The following CLEC2L variants were observed in gnomAD, a reference collection of about 807,000 sequenced individuals.
The protein encoded by CLEC2L is C-type lectin domain family 2 member L, also known as C-type lectin domain family 2, member L.
A neutral mutation model predicts 23.6 loss-of-function variants in CLEC2L; 14 were observed. The observed-to-expected ratio is 0.59, with a 90% CI of 0.39 to 0.93. CLEC2L has a LOEUF of 0.93. Ranked by LOEUF, CLEC2L falls within the 40% of genes least tolerant of loss-of-function variation. The probability of loss-of-function intolerance (pLI) is 0.00; values close to 1 mark genes in which losing one functional copy is unlikely to be tolerated. For missense variants in CLEC2L, 264 were observed against 282.4 expected, an observed-to-expected ratio of 0.93 and a Z score of 0.47; for synonymous variants, 114 against 121.3, an observed-to-expected ratio of 0.94 and a Z score of 0.40.
chr7:139,531,923 AAAAG>A (rs952419123), intron 1 of CLEC2L, among the ~76,000 whole-genome samples: 10 of 152,066 alleles, frequency 6.6e-5, no homozygotes, highest in Non-Finnish European at 1.0e-4. Flanking sequence ...AAAAAAAAGA[AAAAG>A]AAAAAGAAAA....
rs572280611 is a variant in CLEC2L, at chr7:139,541,887, C to T, written c.433-134C>T. ...CTAGCTCCTTACTTGCGGGATTCAG[C>T]GAGACAACAGTCACTCTCCTGGCGT... On this transcript the variant is annotated intron_variant, in intron 3 of 4. Coordinates refer to ENST00000422142, the MANE Select transcript of CLEC2L (RefSeq NM_001080511.4). 4.4e-5 allele frequency: 29 copies of T among 665,058 alleles called. No individual in the cohort carries two copies. In the East Asian group the frequency reaches 7.4e-4, roughly 17 times the overall value. The allele number at this position is 665,058 out of a possible 1,614,324, so 41.2% of individuals were successfully genotyped here. A position where few individuals can be genotyped will look rare whatever the true frequency, so the allele number is the denominator to read the frequency against.
chr7:139,532,047 T>C (rs903853719), intron 1 of CLEC2L, among the ~76,000 whole-genome samples: 3 of 152,136 alleles, frequency 2.0e-5, no homozygotes, highest in African/African-American at 4.8e-5. Context: ...TTTTAGAACA[T>C]TGTGCAATGA....
intron 1 of CLEC2L, among the ~76,000 whole-genome samples, chr7:139,530,205 CA>C (rs1416076960): frequency 1.3e-5 from 2 of 151,536 alleles, no homozygotes; most frequent in South Asian, 2.1e-4. Flanking sequence ...CAAACCAAAC[CA>C]AACCAAACAG....
chr7:139,543,676 G>A (rs1257098551), intron 4 of CLEC2L, among the ~76,000 whole-genome samples: 1 of 152,200 alleles, frequency 6.6e-6, no homozygotes, highest in African/African-American at 2.4e-5. Flanking sequence ...CCATATTGGG[G>A]TCATTGCAGC....
At chr7:139,525,962 T>C (rs58665939) in intron 1 of CLEC2L, among the ~76,000 whole-genome samples, 14,449 of 152,154 alleles carry the variant, frequency 0.095, 1,384 homozygotes, top group African/African-American at 0.25. Context: ...CAGCCTTGCC[T>C]CACCATGGCC....
In CLEC2L at chr7:139,544,779, C is replaced by A. The variant is rs1230234658; in HGVS notation, c.*437C>A. The A allele has an allele frequency of 6.5e-6, 1 of 153,424 alleles. No homozygotes were observed. Among genetic ancestry groups the A allele is most frequent in the Non-Finnish European group, 1.5e-5 (1 of 68,940 alleles). The allele number at this position is 153,424 out of a possible 1,614,324, so 9.5% of individuals were successfully genotyped here. A position where few individuals can be genotyped will look rare whatever the true frequency, so the allele number is the denominator to read the frequency against. ...GGTTTGACTGTTCACCCAGCAGCCCCGCTTCCCCACTGGTTTCTCTCCTGG... is the reference window on the plus strand; with the variant it reads ...GGTTTGACTGTTCACCCAGCAGCCCAGCTTCCCCACTGGTTTCTCTCCTGG... On this transcript the variant is annotated 3_prime_UTR_variant, in exon 5 of 5. Transcript: ENST00000422142.
chr7:139,530,555 A>C (rs1390547588), intron 1 of CLEC2L, among the ~76,000 whole-genome samples: 2 of 152,158 alleles, frequency 1.3e-5, no homozygotes, highest in Non-Finnish European at 2.9e-5. Flanking sequence ...GCTCACGCCT[A>C]TAATCCCAGC....
chr7:139,540,295 G>T lies in CLEC2L; in HGVS notation c.266-26G>T. 2 of 1,585,002 alleles carry T rather than the reference G, an allele frequency of 1.3e-6. No homozygotes were observed. Among genetic ancestry groups the T allele is most frequent in the East Asian group, 2.3e-5 (1 of 43,680 alleles). ...GGGACTCGGGCTGGGGGGGCGGGCA[G>T]GGCCGAGCTGGTCTCTTCCCTGCAG... On this transcript the variant is annotated intron_variant, in intron 2 of 4. Coordinates refer to ENST00000422142, the MANE Select transcript of CLEC2L (RefSeq NM_001080511.4). The surrounding 1 kb of genome is among the most constrained non-coding windows in gnomAD (Gnocchi z 5.8).
intron 1 of CLEC2L, among the ~76,000 whole-genome samples, chr7:139,535,198 C>G (rs934685041): frequency 6.6e-6 from 1 of 152,154 alleles, no homozygotes. Flanking sequence ...ATTATTCAGC[C>G]TTAAGATGGA....
rs2116537676 is a variant in CLEC2L, at chr7:139,523,979, G to T, written c.52G>T (p.Ala18Ser). The T allele has an allele frequency of 5.1e-6, 5 of 976,436 alleles. No individual in the cohort carries two copies. The South Asian group carries it at 2.3e-4, about 45-fold the overall frequency. 60.5% of individuals were successfully genotyped at this position (976,436 alleles called of 1,614,324 possible). A position where few individuals can be genotyped will look rare whatever the true frequency, so the allele number is the denominator to read the frequency against. ...GCGGGCCCGGCCGCCGCCGCCCCTC[G>T]CCGCGCGCCCCGCGCCCGCCCCCGC... ...PSRARPPPPL[A>S]ARPAPAPAAP... Residue 18 changes from alanine (A) to serine (S), a missense_variant, in exon 1 of 5, where the codon GCC becomes TCC. Coordinates refer to ENST00000422142, the MANE Select transcript of CLEC2L (RefSeq NM_001080511.4). The surrounding 1 kb of genome is among the most constrained non-coding windows in gnomAD (Gnocchi z 4.1).
intron 1 of CLEC2L, 64 bp from the exon 2 acceptor site, chr7:139,536,210 G>A (rs1315506340): frequency 2.0e-5 from 25 of 1,278,196 alleles, no homozygotes; most frequent in Non-Finnish European, 2.7e-5. Context: ...CAGGGTATGG[G>A]GCTGGCAGTG....
chr7:139,542,193 C>G, intron 4 of CLEC2L, 72 bp downstream of exon 4: 1 of 1,021,000 alleles, frequency 9.8e-7, no homozygotes, highest in Non-Finnish European at 1.5e-6. Context: ...CTGGACACAA[C>G]TCCCGAAGAG....
At chr7:139,524,777 G>C (rs1002593386) in intron 1 of CLEC2L, among the ~76,000 whole-genome samples, 13 of 152,222 alleles carry the variant, frequency 8.5e-5, no homozygotes, top group Non-Finnish European at 7.3e-5. Context: ...GCGGCGTGTG[G>C]TGTGGGAGAT....
intron 4 of CLEC2L, 34 bp downstream of exon 4, chr7:139,542,155 T>C (rs920298217): frequency 3.4e-6 from 5 of 1,490,992 alleles, no homozygotes; most frequent in Non-Finnish European, 4.6e-6. Flanking sequence ...GCTACCGAGC[T>C]TAGACTGAGA....
At chr7:139,535,750 G>A (rs1268438984) in intron 1 of CLEC2L, among the ~76,000 whole-genome samples, 1 of 152,118 alleles carries the variant, frequency 6.6e-6, no homozygotes, top group Non-Finnish European at 1.5e-5. Flanking sequence ...AGGAGATTTC[G>A]GGAGCAAAGA....
At chr7:139,527,878 A>C (rs983781599) in intron 1 of CLEC2L, among the ~76,000 whole-genome samples, 1 of 152,212 alleles carries the variant, frequency 6.6e-6, no homozygotes, top group African/African-American at 2.4e-5. Context: ...CACATTTGGT[A>C]GTTTTTAACA....
Position 139,523,827 on chromosome 7 carries a change from G to C in CLEC2L, c.-101G>C, listed in dbSNP as rs1797464401. The C allele has an allele frequency of 2.5e-6, 2 of 798,520 alleles. No individual in the cohort carries two copies. Among genetic ancestry groups the C allele is most frequent in the Admixed American group, 1.3e-4 (2 of 15,604 alleles). 49.5% of individuals were successfully genotyped at this position (798,520 alleles called of 1,614,324 possible). A position where few individuals can be genotyped will look rare whatever the true frequency, so the allele number is the denominator to read the frequency against. On this transcript the variant is annotated 5_prime_UTR_variant, in exon 1 of 5. Transcript: ENST00000422142. The surrounding 1 kb of genome is among the most constrained non-coding windows in gnomAD (Gnocchi z 4.1). ...CGCGGTCCTAGCCCACCCGAGGCCG[G>C]CCTGGGGGGCCCGCAGGGCGCGCGG...
At chr7:139,542,164 G>C (rs1337417083) in intron 4 of CLEC2L, 43 bp downstream of exon 4, 4 of 1,395,438 alleles carry the variant, frequency 2.9e-6, no homozygotes, top group Non-Finnish European at 4.0e-6. Flanking sequence ...CTTAGACTGA[G>C]AAAGGCCTGA....
At position 139,523,902 on chromosome 7, in the gene CLEC2L, G is replaced by A. The variant is rs920884448; in HGVS notation, c.-26G>A. 6 of 978,418 alleles carry A rather than the reference G, an allele frequency of 6.1e-6. No homozygotes were observed. In the African/African-American group the frequency reaches 1.1e-4, roughly 17 times the overall value. 60.6% of individuals were successfully genotyped at this position (978,418 alleles called of 1,614,324 possible). ...GCCCCGCACCCCGGTGCAGGAGCGCGGGCGCGGCGCGGCGGAGCGCCCCGC... is the reference window on the plus strand; with the variant it reads ...GCCCCGCACCCCGGTGCAGGAGCGCAGGCGCGGCGCGGCGGAGCGCCCCGC... On this transcript the variant is annotated 5_prime_UTR_variant, in exon 1 of 5. Coordinates refer to ENST00000422142, the MANE Select transcript of CLEC2L (RefSeq NM_001080511.4). The surrounding 1 kb of genome is among the most constrained non-coding windows in gnomAD (Gnocchi z 4.1).
Sources: gnomAD v4.1 joint callset for allele counts (sites outside exome capture counted in the v4.1 genomes callset) on GRCh38, gnomAD v4.1.1 for gene constraint, Gnocchi (gnomAD v3.1) non-coding constraint, MANE v1.5 for transcripts, NCBI Gene and HGNC (gene_info 2026-07-23, HGNC 2026-07-21) for gene names.